Variants in ZNF574 observed in about 807,000 individuals in gnomAD.
ZNF574 encodes the protein zinc finger protein 574.
A neutral mutation model predicts 56.6 loss-of-function variants in ZNF574; 25 were observed. The observed-to-expected ratio is 0.44, with a 90% confidence interval of 0.32 to 0.62. ZNF574 has a LOEUF of 0.62. Among genes scored for constraint, ZNF574 ranks in the 20% least tolerant of loss-of-function variants. The probability of loss-of-function intolerance (pLI) is 0.04; values close to 1 mark genes in which losing one functional copy is unlikely to be tolerated. For synonymous variants in ZNF574, 543 were observed against 492.1 expected (o/e 1.10, Z -1.37); for missense variants, 1,065 against 1,218.9 (o/e 0.87, Z 1.88).
At chr19:42,078,484 T>G in intron 1 of ZNF574, 103 bp from the exon 2 acceptor site, 1 of 1,029,288 alleles carries the variant, frequency 9.7e-7, no homozygotes, top group Non-Finnish European at 1.4e-6. Context: ...AAGGAAGAAC[T>G]TAAGGGGGTG....
rs2076498489 is a variant in ZNF574 at position 42,081,197 on chromosome 19, G to T, written c.2591G>T (p.Gly864Val). The T allele has an allele frequency of 1.2e-6, 2 of 1,614,000 alleles. No homozygotes were observed. Among genetic ancestry groups the T allele is most frequent in the Admixed American group, 1.7e-5 (1 of 60,012 alleles). The change falls in exon 2 of 2, where the codon GGC becomes GTC. Residue 864 changes from glycine to valine, a missense_variant. Coordinates refer to ENST00000359044, the MANE Select transcript of ZNF574 (RefSeq NM_022752.6). ...QQLAEAEAAV[G>V]LAVMETAVEA... ...CTGGCAGAGGCGGAGGCTGCCGTTG[G>T]CCTGGCCGTCATGGAGACTGCTGTG...
chr19:42,079,133 G>C lies in ZNF574; in HGVS notation c.527G>C (p.Arg176Pro). The part of the protein sequence containing the change: ...VVLGPPVGQA[R>P]VAVEHSYRKA... ...CTAGGGCCTCCTGTGGGCCAGGCCC[G>C]AGTGGCTGTGGAGCACTCATACCGA... Residue 176 changes from arginine to proline, a missense_variant, in exon 2 of 2, where the codon CGA becomes CCA. Transcript: ENST00000359044. The surrounding 1 kb of genome is among the most constrained non-coding windows in gnomAD (Gnocchi z 4.3). 5 of 1,613,966 alleles carry C rather than the reference G, an allele frequency of 3.1e-6. No homozygotes were observed. The South Asian group carries it at 4.4e-5, about 14-fold the overall frequency.
At chr19:42,069,865 G>T (rs1350376889) in intron 1 of ZNF574, among the ~76,000 whole-genome samples, 2 of 152,130 alleles carry the variant, frequency 1.3e-5, no homozygotes, top group Non-Finnish European at 2.9e-5. Context: ...GAGCCCGGGA[G>T]TGGAGAGCTG....
Position 42,079,281 on chromosome 19 carries a change from G to C in ZNF574, c.675G>C (p.Leu225=). ...CTGAGTGCTCCCAGCTCTTCCAGCT[G>C]CCGGCGGATTTCCTGGAGCACCAGG... The part of the protein sequence containing the change: ...KCSECSQLFQ[L]PADFLEHQAT... The change falls in exon 2 of 2, where the codon CTG becomes CTC. Residue 225 remains leucine, a synonymous_variant. Transcript: ENST00000359044. This position sits in a 1 kb window ranked among gnomAD's most constrained non-coding sequence, Gnocchi z 4.3. 6.2e-7 allele frequency: 1 copy of C among 1,614,004 alleles called. No homozygotes were observed. Among genetic ancestry groups the C allele is most frequent in the African/African-American group, 1.3e-5 (1 of 75,034 alleles).
intron 1 of ZNF574, among the ~76,000 whole-genome samples, chr19:42,069,852 G>A (rs2076399846): frequency 6.6e-6 from 1 of 152,154 alleles, no homozygotes; most frequent in Admixed American, 6.5e-5. Context: ...CTGGGGGCGG[G>A]GAGAGCCCGG....
chr19:42,076,393 G>A (rs1489694642), intron 1 of ZNF574, 107 bp downstream of exon 1: 2 of 151,964 alleles, frequency 1.3e-5, no homozygotes, highest in African/African-American at 2.4e-5. Flanking sequence ...GGTGCGCGCC[G>A]GGCAGTTAGG....
chr19:42,077,630 G>T (rs559046516), intron 1 of ZNF574, among the ~76,000 whole-genome samples: 1 of 152,192 alleles, frequency 6.6e-6, no homozygotes, highest in Admixed American at 6.5e-5. Context: ...ATCTCAGAGG[G>T]GATTAGAATT....
intron 1 of ZNF574, among the ~76,000 whole-genome samples, chr19:42,070,136 C>T (rs887055911): frequency 6.6e-6 from 1 of 152,074 alleles, no homozygotes; most frequent in Non-Finnish European, 1.5e-5. Flanking sequence ...CTGCCGCCAC[C>T]GCTCAGTCTC....
chr19:42,069,850 G>A (rs1374559801), intron 1 of ZNF574, among the ~76,000 whole-genome samples: 2 of 152,150 alleles, frequency 1.3e-5, no homozygotes, highest in African/African-American at 2.4e-5. Context: ...TGCTGGGGGC[G>A]GGGAGAGCCC....
chr19:42,076,524 G>C (rs2076457023), intron 1 of ZNF574, among the ~76,000 whole-genome samples: 1 of 151,952 alleles, frequency 6.6e-6, no homozygotes, highest in South Asian at 2.1e-4. Flanking sequence ...GGCGGGGCTC[G>C]GGCTGAGGCT....
chr19:42,069,151 G>T, intron 1 of ZNF574: 1 of 402,216 alleles, frequency 2.5e-6, no homozygotes, highest in Non-Finnish European at 4.4e-6. Context: ...GGAGAACGGG[G>T]AGAATGTGGT....
chr19:42,078,156 C>T (rs1188890224), intron 1 of ZNF574, among the ~76,000 whole-genome samples: 1 of 151,628 alleles, frequency 6.6e-6, no homozygotes, highest in Non-Finnish European at 1.5e-5. Flanking sequence ...GTGGGGAAGG[C>T]CTATATGGGG....
rs553107510 is a variant in ZNF574, at chr19:42,078,763, G to A, written c.157G>A (p.Gly53Arg). ...TGAGCTGGTGGGCGTGGCTGATCCC[G>A]GAGTCACTGTGGCCACAGACACAGC... is the stretch of plus-strand genomic sequence containing the variant. ...HFELVGVADP[G>R]VTVATDTASG... is the part of the protein sequence containing the mutation. Residue 53 changes from glycine (G) to arginine (R), a missense_variant, in exon 2 of 2, where the codon GGA becomes AGA. Physicochemically the swap from Gly to Arg is moderately radical, Grantham distance 125. Coordinates refer to ENST00000359044, the MANE Select transcript of ZNF574 (RefSeq NM_022752.6). 1.7e-5 allele frequency: 27 copies of A among 1,614,064 alleles called. No homozygotes were observed. Among genetic ancestry groups the A allele is most frequent in the Middle Eastern group, 1.7e-4 (1 of 6,058 alleles).
Position 42,080,328 on chromosome 19 carries a change from C to T in ZNF574, c.1722C>T (p.Ala574=). ...TGAGGCAGCACCGCTTGGTGCATGC[C>T]CAGCACTTCCCCTACCGCTGCCAGG... The part of the protein sequence containing the change: ...STLRQHRLVH[A]QHFPYRCQEC... Residue 574 remains alanine, a synonymous_variant, in exon 2 of 2, where the codon GCC becomes GCT. Transcript: ENST00000359044. The surrounding 1 kb of genome is among the most constrained non-coding windows in gnomAD (Gnocchi z 8.5). 1 of 1,614,098 alleles carries T rather than the reference C, an allele frequency of 6.2e-7. No individual in the cohort carries two copies. The highest frequency in any genetic ancestry group is 1.3e-5 in the African/African-American group (1 of 75,006).
upstream of ZNF574, among the ~76,000 whole-genome samples, chr19:42,075,789 A>C (rs894616733): frequency 1.6e-5 from 2 of 126,970 alleles, no homozygotes; most frequent in African/African-American, 2.5e-5. Context: ...CCCAACGCTG[A>C]CTCCCTCACG....
chr19:42,073,135 C>T (rs1164286452), upstream of ZNF574, among the ~76,000 whole-genome samples: 5 of 152,172 alleles, frequency 3.3e-5, no homozygotes, highest in African/African-American at 1.2e-4. Context: ...GGCAGGTGAG[C>T]CTGGGGGCCA....
Position 42,068,847 on chromosome 19 carries a change from AG to A in ZNF574, c.139del (p.Ala47ProfsTer9). On this transcript the variant is annotated frameshift_variant, in exon 1 of 2. Coordinates refer to the ZNF574 transcript ENST00000222339. LOFTEE classifies it high-confidence loss of function. ...GATAGAGACTGGACGGGGTGGGGAC[AG>A]GGCCAAGGCCCACCGCAGGCAGAGG... 1 of 678,134 alleles carries A rather than the reference AG, an allele frequency of 1.5e-6. No homozygotes were observed. Among genetic ancestry groups the A allele is most frequent in the Admixed American group, 2.1e-5 (1 of 47,064 alleles). 42.0% of individuals were successfully genotyped at this position (678,134 alleles called of 1,614,324 possible).
chr19:42,080,456 T>C lies in ZNF574; in HGVS notation c.1850T>C (p.Leu617Ser). Reference sequence around the variant, plus strand: ...TGTCGCGAGTGCCCCCGCTCCTTCTTGCTGCGTCGGCTGCTGGAGGTGCAC... The same window carrying C: ...TGTCGCGAGTGCCCCCGCTCCTTCTCGCTGCGTCGGCTGCTGGAGGTGCAC... ...YKCRECPRSF[L>S]LRRLLEVHQL... Residue 617 changes from leucine to serine, a missense_variant, in exon 2 of 2, where the codon TTG becomes TCG. Coordinates refer to ENST00000359044, the MANE Select transcript of ZNF574 (RefSeq NM_022752.6). This position sits in a 1 kb window ranked among gnomAD's most constrained non-coding sequence, Gnocchi z 8.5. 6.2e-7 allele frequency: 1 copy of C among 1,614,108 alleles called. No homozygotes were observed. The highest frequency in any genetic ancestry group is 8.5e-7 in the Non-Finnish European group (1 of 1,180,020).
upstream of ZNF574, among the ~76,000 whole-genome samples, chr19:42,073,549 GGTGGCTCATGCCT>G (rs1396677501): frequency 2.0e-5 from 3 of 150,496 alleles, no homozygotes; most frequent in Admixed American, 1.3e-4. Context: ...ACCCGGGCAT[GGTGGCTCATGCCT>G]GTAATCCCAG....
Sources: gnomAD v4.1 joint callset for allele counts (sites outside exome capture counted in the v4.1 genomes callset) on GRCh38, gnomAD v4.1.1 for gene constraint, Gnocchi (gnomAD v3.1) non-coding constraint, MANE v1.5 for transcripts, NCBI Gene and HGNC (gene_info 2026-07-23, HGNC 2026-07-21) for gene names.